CACNG7: variants seen among roughly 807,000 people sequenced by gnomAD.
CACNG7 encodes the protein calcium voltage-gated channel auxiliary subunit gamma 7.
In CACNG7, 9 loss-of-function variants were observed where a neutral mutation model predicts 26.3. That is an observed-to-expected ratio of 0.34 (90% CI 0.21 to 0.60). The LOEUF is 0.60. Among genes scored for constraint, CACNG7 ranks in the 20% least tolerant of loss-of-function variants. The pLI is 0.81. For synonymous variants in CACNG7, 170 were observed against 157.0 expected (o/e 1.08, Z -0.62); for missense variants, 297 against 380.4 (o/e 0.78, Z 1.82).
rs371625954 is a variant in CACNG7 at position 53,914,573 on chromosome 19, G to A, written c.270G>A (p.Thr90=). Residue 90 remains threonine, a synonymous_variant, in exon 3 of 6, where the codon ACG becomes ACA. Coordinates refer to ENST00000391767, the MANE Select transcript of CACNG7 (RefSeq NM_031896.5). The part of the protein sequence containing the change: ...EPEINLVTEN[T]ENILKTVRTA... ...AGATCAATTTGGTGACGGAAAACAC[G>A]GAGAATATTCTGAGTGAGGGGATGT... 19 of 1,613,950 alleles carry A rather than the reference G, an allele frequency of 1.2e-5. No homozygotes were observed. The highest frequency in any genetic ancestry group is 5.3e-5 in the African/African-American group (4 of 74,906).
chr19:53,942,090 A>T lies in CACNG7; in HGVS notation c.625A>T (p.Met209Leu). The change falls in exon 6 of 6, where the codon ATG becomes TTG. Residue 209 changes from methionine (M) to leucine (L), a missense_variant. By Grantham distance (15) the Met-to-Leu change is conservative. Coordinates refer to ENST00000391767, the MANE Select transcript of CACNG7 (RefSeq NM_031896.5). The surrounding 1 kb of genome is among the most constrained non-coding windows in gnomAD (Gnocchi z 5.9). Reference protein sequence around the residue: ...LFTKRYAEEEMYRPHPAFYRP... With the variant: ...LFTKRYAEEELYRPHPAFYRP... ...CACCAAGCGCTACGCGGAGGAGGAG[A>T]TGTACCGTCCACACCCGGCCTTCTA... The T allele has an allele frequency of 1.2e-6, 2 of 1,613,602 alleles. No individual in the cohort carries two copies. The highest frequency in any genetic ancestry group is 1.7e-6 in the Non-Finnish European group (2 of 1,179,810).
chr19:53,920,643 T>C (rs2068937815), intron 4 of CACNG7, among the ~76,000 whole-genome samples: 1 of 98,028 alleles, frequency 1.0e-5, no homozygotes, highest in Non-Finnish European at 1.9e-5. Flanking sequence ...ATTGGTGGAG[T>C]TGCCCCAGGC....
Position 53,941,507 on chromosome 19 carries a change from C to A in CACNG7, c.462C>A (p.Ser154=). Residue 154 remains serine, a synonymous_variant, in exon 5 of 6, where the codon TCC becomes TCA. Transcript: ENST00000391767. ...SLVVGLVLYI[S]SINDEVMNRP... is the part of the protein sequence containing the mutation. ...TGGTGGGCTTGGTTCTTTACATCTC[C>A]AGCATCAACGACGAGGTCATGAACA... The A allele has an allele frequency of 6.3e-7, 1 of 1,596,804 alleles. No individual in the cohort carries two copies. Among genetic ancestry groups the A allele is most frequent in the Non-Finnish European group, 8.5e-7 (1 of 1,173,950 alleles).
chr19:53,915,405 C>T lies in CACNG7; in HGVS notation c.324C>T (p.Leu108=). ...CCACCCCCTTCCCCATGGTCAGCCT[C>T]TTCCTCGTGTTCACGGCCTTCGTCA... ...RTATPFPMVS[L]FLVFTAFVIS... is the part of the protein sequence containing the mutation. Residue 108 remains leucine (L), a synonymous_variant, in exon 4 of 6, where the codon CTC becomes CTT. Transcript: ENST00000391767. 1.2e-6 allele frequency: 2 copies of T among 1,614,138 alleles called. No homozygotes were observed. The highest frequency in any genetic ancestry group is 8.5e-7 in the Non-Finnish European group (1 of 1,180,018).
At chr19:53,915,277 G>C (rs544217308) in intron 3 of CACNG7, 88 bp from the exon 4 acceptor site, 477 of 978,292 alleles carry the variant, frequency 4.9e-4, no homozygotes, top group Non-Finnish European at 7.2e-4. Context: ...CAAAAACGCA[G>C]AGGTGGTGAG....
intron 4 of CACNG7, among the ~76,000 whole-genome samples, chr19:53,917,474 C>T (rs1450580413): frequency 6.6e-6 from 1 of 152,098 alleles, no homozygotes. Context: ...ATCCAATATC[C>T]TCTCCTCCAG....
intron 4 of CACNG7, among the ~76,000 whole-genome samples, chr19:53,919,421 C>G (rs1169478826): frequency 2.0e-4 from 27 of 132,356 alleles, no homozygotes; most frequent in East Asian, 4.9e-4. Flanking sequence ...CATTGGTGGA[C>G]TTGCCCCAGG....
chr19:53,921,850 TCCCAGG>T (rs2068958790), intron 4 of CACNG7, among the ~76,000 whole-genome samples: 1 of 59,182 alleles, frequency 1.7e-5, no homozygotes, highest in African/African-American at 1.8e-4. Flanking sequence ...GGTGGAGTTG[TCCCAGG>T]CTGGTCATTG....
intron 4 of CACNG7, among the ~76,000 whole-genome samples, chr19:53,931,412 C>T (rs911890708): frequency 3.3e-5 from 5 of 151,380 alleles, no homozygotes; most frequent in African/African-American, 4.8e-5. Context: ...TTTGGCTGGG[C>T]GCAGTGGCTC....
Position 53,909,695 on chromosome 19 carries a change from G to A in CACNG7, c.-30+178G>A, listed in dbSNP as rs1021564791. Among the ~76,000 whole-genome samples, 11 of 152,284 alleles carry A rather than the reference G, an allele frequency of 7.2e-5. No homozygotes were observed. Among genetic ancestry groups the A allele is most frequent in the African/African-American group, 2.2e-4 (9 of 41,580 alleles). ...AGGGACACCTGGGCCTGGCGATCCC[G>A]GAGGACGGGGTCCGAGGGTCCCGGA... On this transcript the variant is annotated intron_variant, in intron 1 of 5. Coordinates refer to ENST00000391767, the MANE Select transcript of CACNG7 (RefSeq NM_031896.5). This position sits in a 1 kb window ranked among gnomAD's most constrained non-coding sequence, Gnocchi z 5.1.
intron 4 of CACNG7, among the ~76,000 whole-genome samples, chr19:53,916,662 AT>A (rs1223891653): frequency 0.097 from 10,322 of 106,064 alleles, 1,121 homozygotes; most frequent in African/African-American, 0.28. Context: ...CTAATTTTCT[AT>A]TTTTTTTTTT....
At chr19:53,917,606 T>C (rs1012388643) in intron 4 of CACNG7, among the ~76,000 whole-genome samples, 1 of 152,072 alleles carries the variant, frequency 6.6e-6, no homozygotes. Flanking sequence ...TCACAGCGGG[T>C]GGAGCCCAGA....
In CACNG7 at chr19:53,942,122, G is replaced by C. The variant is rs1477707037; in HGVS notation, c.657G>C (p.Pro219=). The C allele has an allele frequency of 6.2e-7, 1 of 1,613,994 alleles. No homozygotes were observed. Among genetic ancestry groups the C allele is most frequent in the South Asian group, 1.1e-5 (1 of 91,076 alleles). The change falls in exon 6 of 6, where the codon CCG becomes CCC. Residue 219 remains proline, a synonymous_variant. Coordinates refer to ENST00000391767, the MANE Select transcript of CACNG7 (RefSeq NM_031896.5). The surrounding 1 kb of genome is among the most constrained non-coding windows in gnomAD (Gnocchi z 5.9). ...GTCCACACCCGGCCTTCTACCGCCC[G>C]CGTCTCAGCGACTGCTCCGACTACT... The part of the protein sequence containing the change: ...MYRPHPAFYR[P]RLSDCSDYSG...
intron 4 of CACNG7, among the ~76,000 whole-genome samples, chr19:53,936,180 G>C (rs1599999789): frequency 6.6e-6 from 1 of 151,852 alleles, no homozygotes; most frequent in Middle Eastern, 3.4e-3. Flanking sequence ...GTGTCCCACT[G>C]TCCTCATGAG....
intron 4 of CACNG7, among the ~76,000 whole-genome samples, chr19:53,930,471 C>T (rs987610408): frequency 1.3e-5 from 2 of 151,714 alleles, no homozygotes; most frequent in African/African-American, 4.8e-5. Context: ...CTCCCAGGTA[C>T]ACAAGATTCT....
chr19:53,921,287 T>TCTGGTCATTGGTGGACTTGCCC (rs1568774165), intron 4 of CACNG7, among the ~76,000 whole-genome samples: 38 of 33,352 alleles, frequency 1.1e-3, no homozygotes, highest in African/African-American at 5.0e-3. Flanking sequence ...TGGAGTTGCC[T>TCTGGTCATTGGTGGACTTGCCC]CAGGTCTGGT....
chr19:53,921,774 GT>G (rs1405751844), intron 4 of CACNG7, among the ~76,000 whole-genome samples: 3 of 101,374 alleles, frequency 3.0e-5, no homozygotes, highest in African/African-American at 5.3e-5. Flanking sequence ...GTTGTCCCAG[GT>G]CTGGTCATTG....
intron 4 of CACNG7, among the ~76,000 whole-genome samples, chr19:53,922,773 C>G (rs1599979997): frequency 1.7e-5 from 1 of 58,826 alleles, no homozygotes; most frequent in South Asian, 7.0e-4. Context: ...GGGGTTGTCC[C>G]AGGCTCGTCA....
chr19:53,924,088 T>C lies in CACNG7; in HGVS notation c.424+8583T>C, dbSNP rs1480956975. 1.6e-4 allele frequency among the ~76,000 whole-genome samples: 22 copies of C among 136,132 alleles called. 2 individuals are homozygous for C. The highest frequency in any genetic ancestry group is 2.4e-4 in the Non-Finnish European group (16 of 65,584). The allele number at this position is 136,132 out of a possible 152,430, so 89.3% of individuals were successfully genotyped here. ...TCCCCAGGTCTGGTCATTGGTGGAG[T>C]TGTCCCCAGGTCTGGGTATTGGTGG... On this transcript the variant is annotated intron_variant, in intron 4 of 5. Transcript: ENST00000391767.
Sources: allele counts gnomAD v4.1 joint callset (sites outside exome capture counted in the v4.1 genomes callset), GRCh38; gene constraint gnomAD v4.1.1; non-coding constraint Gnocchi (gnomAD v3.1); transcripts MANE v1.5; gene names NCBI Gene and HGNC (gene_info 2026-07-23, HGNC 2026-07-21).